ZBTB20: variants seen among roughly 807,000 people sequenced by gnomAD.
The protein encoded by ZBTB20 is zinc finger and BTB domain-containing protein 20.
A neutral mutation model predicts 56.9 loss-of-function variants in ZBTB20; 9 were observed. The observed-to-expected ratio is 0.16, with a 90% CI of 0.10 to 0.28. The LOEUF (loss-of-function observed/expected upper bound fraction) is 0.28. Among genes scored for constraint, ZBTB20 ranks in the 10% least tolerant of loss-of-function variants. The pLI is 1.00. For missense variants in ZBTB20, 655 were observed against 1,003.0 expected, an observed-to-expected ratio of 0.65 and a Z score of 4.69; for synonymous variants, 417 against 420.7, an observed-to-expected ratio of 0.99 and a Z score of 0.11.
intron 10 of ZBTB20, among the ~76,000 whole-genome samples, chr3:114,374,815 C>A (rs1220623328): frequency 6.6e-6 from 1 of 152,184 alleles, no homozygotes; most frequent in East Asian, 1.9e-4. Context: ...CAGAGATCTT[C>A]AGTTATAAAC....
At chr3:114,577,673 T>C (rs999252905) in intron 6 of ZBTB20, among the ~76,000 whole-genome samples, 1 of 152,186 alleles carries the variant, frequency 6.6e-6, no homozygotes, top group African/African-American at 2.4e-5. Context: ...GACCTGAACC[T>C]GGCTTACTAC....
At chr3:114,749,465 A>G (rs540668227) in intron 5 of ZBTB20, among the ~76,000 whole-genome samples, 40 of 152,192 alleles carry the variant, frequency 2.6e-4, no homozygotes, top group African/African-American at 9.6e-4. Flanking sequence ...AGGCAAGAGA[A>G]TCACTTGAAC....
At chr3:114,590,283 C>A (rs1452153174) in intron 6 of ZBTB20, among the ~76,000 whole-genome samples, 1 of 151,898 alleles carries the variant, frequency 6.6e-6, no homozygotes, top group Non-Finnish European at 1.5e-5. Flanking sequence ...TGGTGAAACC[C>A]CGTCTCTACT....
At chr3:114,448,393 G>C (rs1366314601) in intron 7 of ZBTB20, among the ~76,000 whole-genome samples, 1 of 151,930 alleles carries the variant, frequency 6.6e-6, no homozygotes, top group Non-Finnish European at 1.5e-5. Context: ...AAAAATTATC[G>C]TATCATATTT....
In ZBTB20 at chr3:114,941,359, C is replaced by A. The variant is rs568113788; in HGVS notation, c.-456+33007G>T. On this transcript the variant is annotated intron_variant, in intron 3 of 11. Transcript: ENST00000675478. Reference sequence around the variant, plus strand: ...TTAGAGTACAAAGAAGAGACTGACCCAACAATAACATTTAACTGGAGCTAG... The same window carrying A: ...TTAGAGTACAAAGAAGAGACTGACCAAACAATAACATTTAACTGGAGCTAG... Among the ~76,000 whole-genome samples the A allele has an allele frequency of 2.7e-5, 4 of 146,256 alleles. No individual in the cohort carries two copies. The South Asian group carries it at 8.5e-4, about 31-fold the overall frequency.
chr3:114,347,366 CT>C (rs899688627), intron 11 of ZBTB20, among the ~76,000 whole-genome samples: 20 of 150,996 alleles, frequency 1.3e-4, no homozygotes, highest in Middle Eastern at 6.9e-3. Flanking sequence ...TCAAGCTATT[CT>C]TTTTTTTTAG....
chr3:114,387,948 G>A (rs1048076111), intron 8 of ZBTB20: 2 of 152,188 alleles, frequency 1.3e-5, no homozygotes, highest in Non-Finnish European at 2.9e-5. Flanking sequence ...CAGTTGACTG[G>A]AAGCATTAAA....
intron 4 of ZBTB20, among the ~76,000 whole-genome samples, chr3:114,869,113 T>C (rs1432122433): frequency 1.3e-5 from 2 of 152,052 alleles, no homozygotes; most frequent in Non-Finnish European, 2.9e-5. Flanking sequence ...ACTTAGGAGG[T>C]TACTGAAGCT....
intron 7 of ZBTB20, among the ~76,000 whole-genome samples, chr3:114,407,259 G>T (rs1467663664): frequency 6.6e-6 from 1 of 152,194 alleles, no homozygotes; most frequent in African/African-American, 2.4e-5. Context: ...AGATTTGGGG[G>T]AAACTCATTT....
At position 114,932,328 on chromosome 3, in the gene ZBTB20, C is replaced by A. The variant is rs184342561; in HGVS notation, c.-455-31986G>T. 2.9e-4 allele frequency among the ~76,000 whole-genome samples: 44 copies of A among 152,362 alleles called. 1 individual carries two copies. Among genetic ancestry groups the A allele is most frequent in the Admixed American group, 2.8e-3 (43 of 15,314 alleles). On this transcript the variant is annotated intron_variant, in intron 3 of 11. Transcript: ENST00000675478. The stretch of plus-strand genomic sequence containing the variant: ...GTGATAGCAGTAGCCTGTCCACAGG[C>A]TGATCAACAAAATCTTGTCTTTGAT...
chr3:114,664,558 T>C (rs1450967217), intron 6 of ZBTB20, among the ~76,000 whole-genome samples: 1 of 151,936 alleles, frequency 6.6e-6, no homozygotes, highest in Non-Finnish European at 1.5e-5. Flanking sequence ...TTGAATTGCA[T>C]CTGTAGGGAA....
At chr3:114,563,250 T>C (rs1447891349) in intron 6 of ZBTB20, among the ~76,000 whole-genome samples, 3 of 152,208 alleles carry the variant, frequency 2.0e-5, no homozygotes, top group Non-Finnish European at 4.4e-5. Context: ...TTAACTTTTT[T>C]GAATAGCAGA....
At chr3:114,850,318 C>T (rs1247531339) in intron 4 of ZBTB20, among the ~76,000 whole-genome samples, 2 of 152,108 alleles carry the variant, frequency 1.3e-5, no homozygotes, top group Non-Finnish European at 2.9e-5. Flanking sequence ...ATTTCAGCCA[C>T]GACCAAAATA....
intron 4 of ZBTB20, among the ~76,000 whole-genome samples, chr3:114,809,613 ATATT>A (rs2072365517): frequency 6.6e-6 from 1 of 152,144 alleles, no homozygotes; most frequent in African/African-American, 2.4e-5. Flanking sequence ...TATTTTGAAC[ATATT>A]TATAATAGTG....
rs572363600 is a variant in ZBTB20 at position 114,972,662 on chromosome 3, T to A, written c.-456+1704A>T. 3.9e-5 allele frequency among the ~76,000 whole-genome samples: 6 copies of A among 152,298 alleles called. No homozygotes were observed. In the South Asian group the frequency reaches 1.0e-3, roughly 26 times the overall value. On this transcript the variant is annotated intron_variant, in intron 3 of 11. Coordinates refer to ENST00000675478, the MANE Select transcript of ZBTB20 (RefSeq NM_001348800.3). ...AATGTAATCTCAGGAAAAAAACATA[T>A]TTAACAAAAATGGAAATTATCATGT...
At chr3:115,046,008 T>C (rs373063166) in intron 2 of ZBTB20, among the ~76,000 whole-genome samples, 8 of 152,278 alleles carry the variant, frequency 5.3e-5, no homozygotes, top group African/African-American at 1.9e-4. Flanking sequence ...GTGTGAGCCA[T>C]AGATCAGGTG....
At position 114,319,725 on chromosome 3, in the gene ZBTB20, T is replaced by C. The variant is rs1216198027; in HGVS notation, c.*19280A>G. ...CTCATGAGAAGAGAAACACATGAGG[T>C]AGCACATGGGAAGTCAGAGGACTGA... is the stretch of plus-strand genomic sequence containing the variant. On this transcript the variant is annotated 3_prime_UTR_variant, in exon 12 of 12. Coordinates refer to ENST00000675478, the MANE Select transcript of ZBTB20 (RefSeq NM_001348800.3). 1 of 152,070 alleles carries C rather than the reference T, an allele frequency of 6.6e-6. No homozygotes were observed. The highest frequency in any genetic ancestry group is 1.5e-5 in the Non-Finnish European group (1 of 68,022). 9.4% of individuals were successfully genotyped at this position (152,070 alleles called of 1,614,324 possible).
At chr3:114,644,265 A>G (rs2059718920) in intron 6 of ZBTB20, among the ~76,000 whole-genome samples, 1 of 152,114 alleles carries the variant, frequency 6.6e-6, no homozygotes, top group African/African-American at 2.4e-5. Flanking sequence ...TAAAAAATTA[A>G]ATGGAAAGAA....
At chr3:114,729,186 C>T (rs1373921395) in intron 5 of ZBTB20, among the ~76,000 whole-genome samples, 2 of 152,222 alleles carry the variant, frequency 1.3e-5, no homozygotes, top group South Asian at 4.1e-4. Context: ...CACTAACATA[C>T]TCTTTGCAAG....
Sources: allele counts gnomAD v4.1 joint callset (sites outside exome capture counted in the v4.1 genomes callset), GRCh38; gene constraint gnomAD v4.1.1; transcripts MANE v1.5; gene names NCBI Gene and HGNC (gene_info 2026-07-23, HGNC 2026-07-21).